The following TRABD2B variants were observed in gnomAD, a reference collection of about 807,000 sequenced individuals.
TRABD2B encodes TraB domain containing 2B.
Under a neutral mutation model 40.1 loss-of-function variants are expected in TRABD2B, and 14 were observed. That is an observed-to-expected ratio of 0.35 (90% CI 0.23 to 0.55). The LOEUF (loss-of-function observed/expected upper bound fraction) is 0.55, where lower values mean the gene tolerates loss of function less well. Ranked by LOEUF, TRABD2B falls within the 20% of genes least tolerant of loss-of-function variation. TRABD2B has a pLI of 0.90. For missense variants in TRABD2B, 541 were observed against 648.6 expected (o/e 0.83, Z 1.80); for synonymous variants, 263 against 277.0 (o/e 0.95, Z 0.50).
chr1:47,940,530 C>G (rs1645172037), intron 2 of TRABD2B, among the ~76,000 whole-genome samples: 1 of 152,180 alleles, frequency 6.6e-6, no homozygotes, highest in Non-Finnish European at 1.5e-5. Flanking sequence ...CACATGCCTG[C>G]CTGCTGTGTC....
intron 2 of TRABD2B, among the ~76,000 whole-genome samples, chr1:47,969,687 C>A (rs532138582): frequency 6.6e-6 from 1 of 152,144 alleles, no homozygotes; most frequent in African/African-American, 2.4e-5. Context: ...AAGCCTAAAA[C>A]GATTGGACAG....
intron 2 of TRABD2B, among the ~76,000 whole-genome samples, chr1:47,804,795 G>A (rs777780184): frequency 3.3e-5 from 5 of 152,174 alleles, no homozygotes; most frequent in Non-Finnish European, 7.3e-5. Context: ...AGGTCATCTG[G>A]TCCAGAGGCT....
chr1:47,884,159 T>A (rs1644341175), intron 2 of TRABD2B, among the ~76,000 whole-genome samples: 1 of 152,208 alleles, frequency 6.6e-6, no homozygotes, highest in Non-Finnish European at 1.5e-5. Flanking sequence ...TCTGCAATCT[T>A]CCCAGAGCCC....
In TRABD2B at chr1:47,994,661, C is replaced by A. The variant is rs1028934383; in HGVS notation, c.103-64G>T. The A allele has an allele frequency of 7.7e-6, 11 of 1,432,274 alleles. No individual in the cohort carries two copies. Among genetic ancestry groups the A allele is most frequent in the Non-Finnish European group, 1.0e-5 (11 of 1,073,310 alleles). 88.7% of individuals were successfully genotyped at this position (1,432,274 alleles called of 1,614,324 possible). ...GGCAACAGAGTAGAGTCAGGGTAGC[C>A]CAGAGGCACGTTGCAGAGGGAGGTG... is the stretch of plus-strand genomic sequence containing the variant. On this transcript the variant is annotated intron_variant, in intron 1 of 6. Coordinates refer to ENST00000606738, the MANE Select transcript of TRABD2B (RefSeq NM_001194986.2). This position sits in a 1 kb window ranked among gnomAD's most constrained non-coding sequence, Gnocchi z 6.7.
At chr1:47,864,439 ATGT>A (rs1375114216) in intron 2 of TRABD2B, among the ~76,000 whole-genome samples, 2 of 152,146 alleles carry the variant, frequency 1.3e-5, no homozygotes, top group South Asian at 2.1e-4. Flanking sequence ...CTTCCTCTCA[ATGT>A]TGTTGTAAAC....
chr1:47,897,637 G>A (rs186523351), intron 2 of TRABD2B, among the ~76,000 whole-genome samples: 12 of 152,222 alleles, frequency 7.9e-5, no homozygotes, highest in South Asian at 2.1e-4. Flanking sequence ...ACCTTTCTTC[G>A]TAACTACATA....
At chr1:47,972,543 A>T (rs1319933263) in intron 2 of TRABD2B, among the ~76,000 whole-genome samples, 1 of 152,210 alleles carries the variant, frequency 6.6e-6, no homozygotes, top group African/African-American at 2.4e-5. Context: ...TTTCCACCAC[A>T]TGAGGACAAA....
intron 2 of TRABD2B, among the ~76,000 whole-genome samples, chr1:47,937,648 A>C (rs1304019082): frequency 1.3e-5 from 2 of 152,054 alleles, no homozygotes; most frequent in Non-Finnish European, 2.9e-5. Context: ...TTAGGAAAAA[A>C]AAAAACAAGC....
chr1:47,854,996 C>T (rs1399098388), intron 2 of TRABD2B, among the ~76,000 whole-genome samples: 2 of 152,106 alleles, frequency 1.3e-5, no homozygotes, highest in Non-Finnish European at 2.9e-5. Flanking sequence ...GGGTAATAGG[C>T]CTTCTTGGGA....
intron 4 of TRABD2B, among the ~76,000 whole-genome samples, chr1:47,792,731 A>AC (rs753717334): frequency 6.6e-6 from 1 of 151,814 alleles, no homozygotes; most frequent in South Asian, 2.1e-4. Context: ...GGTGGTAGCT[A>AC]CCCCCAGCCC....
intron 2 of TRABD2B, among the ~76,000 whole-genome samples, chr1:47,979,065 G>A (rs981143958): frequency 6.6e-6 from 1 of 152,154 alleles, no homozygotes; most frequent in Non-Finnish European, 1.5e-5. Context: ...GCACGAGGCT[G>A]AGAAGGCTCT....
intron 2 of TRABD2B, among the ~76,000 whole-genome samples, chr1:47,878,533 C>T (rs760584351): frequency 6.6e-6 from 1 of 152,128 alleles, no homozygotes; most frequent in Non-Finnish European, 1.5e-5. Context: ...CAGACGTCTA[C>T]GCATACATCA....
chr1:47,792,596 G>A (rs999540625), intron 4 of TRABD2B, among the ~76,000 whole-genome samples: 1 of 152,214 alleles, frequency 6.6e-6, no homozygotes, highest in Non-Finnish European at 1.5e-5. Context: ...GCCTGTTGCT[G>A]GAGTGGACAT....
At chr1:47,957,574 C>T (rs1645442871) in intron 2 of TRABD2B, among the ~76,000 whole-genome samples, 1 of 152,104 alleles carries the variant, frequency 6.6e-6, no homozygotes, top group Non-Finnish European at 1.5e-5. Flanking sequence ...CATGCACAAG[C>T]TTCAGTAGCC....
At chr1:47,959,550 A>G (rs1645478513) in intron 2 of TRABD2B, among the ~76,000 whole-genome samples, 1 of 152,244 alleles carries the variant, frequency 6.6e-6, no homozygotes, top group African/African-American at 2.4e-5. Flanking sequence ...CCACAGAAAT[A>G]CAAACTACCA....
chr1:47,911,443 C>G (rs1644761635), intron 2 of TRABD2B, among the ~76,000 whole-genome samples: 1 of 152,238 alleles, frequency 6.6e-6, no homozygotes, highest in Non-Finnish European at 1.5e-5. Context: ...AAGACACAGA[C>G]AGGAGGCAGC....
intron 2 of TRABD2B, among the ~76,000 whole-genome samples, chr1:47,842,029 C>T (rs376862155): frequency 1.8e-4 from 27 of 152,256 alleles, no homozygotes; most frequent in Middle Eastern, 3.4e-3. Context: ...GCCTCAGCCT[C>T]CCAAAGTGCT....
At chr1:47,901,748 G>A (rs2124680834) in intron 2 of TRABD2B, among the ~76,000 whole-genome samples, 1 of 152,314 alleles carries the variant, frequency 6.6e-6, no homozygotes, top group East Asian at 1.9e-4. Flanking sequence ...TAATTAACCA[G>A]GCAGGTCTGT....
chr1:47,784,684 G>A (rs1644571785), intron 4 of TRABD2B, among the ~76,000 whole-genome samples: 1 of 152,222 alleles, frequency 6.6e-6, no homozygotes, highest in Non-Finnish European at 1.5e-5. Context: ...AAGTATGACA[G>A]GAGGGCTGGA....
Sources: allele counts gnomAD v4.1 joint callset (sites outside exome capture counted in the v4.1 genomes callset), GRCh38; gene constraint gnomAD v4.1.1; non-coding constraint Gnocchi (gnomAD v3.1); transcripts MANE v1.5; gene names NCBI Gene and HGNC (gene_info 2026-07-23, HGNC 2026-07-21).